LCORL: variants seen among roughly 807,000 people sequenced by gnomAD.
LCORL encodes the protein ligand dependent nuclear receptor corepressor like, also known as ligand-dependent nuclear receptor corepressor-like protein.
LCORL carries 41 observed loss-of-function variants against 141.8 expected under a neutral mutation model. That is an observed-to-expected ratio of 0.29 (90% CI 0.23 to 0.38). The LOEUF is 0.38. Among genes scored for constraint, LCORL ranks in the 10% least tolerant of loss-of-function variants. The pLI, the probability that LCORL is intolerant of heterozygous loss-of-function variation, is 1.00. For synonymous variants in LCORL, 618 were observed against 694.1 expected (o/e 0.89, Z 1.72); for missense variants, 1,759 against 2,035.0 (o/e 0.86, Z 2.61).
intron 4 of LCORL, chr4:17,912,103 G>A (rs149899019): frequency 6.6e-6 from 5 of 752,248 alleles, no homozygotes; most frequent in East Asian, 2.6e-5. Context: ...CACCAAGGAC[G>A]TGAGGGCTCA....
At chr4:17,872,367 T>C (rs1202486314) in intron 7 of LCORL, among the ~76,000 whole-genome samples, 1 of 152,114 alleles carries the variant, frequency 6.6e-6, no homozygotes, top group African/African-American at 2.4e-5. Flanking sequence ...AGAATTGTCT[T>C]GGGCCACACA....
chr4:17,856,555 TG>T (rs1300556820), intron 7 of LCORL, among the ~76,000 whole-genome samples: 1 of 152,214 alleles, frequency 6.6e-6, no homozygotes, highest in African/African-American at 2.4e-5. Context: ...TATTTTGTTG[TG>T]GTAGCCCAAG....
intron 2 of LCORL, among the ~76,000 whole-genome samples, chr4:17,966,912 A>G (rs991642440): frequency 2.0e-5 from 3 of 152,194 alleles, no homozygotes; most frequent in African/African-American, 7.2e-5. Flanking sequence ...TCTATCAATG[A>G]TGCTCCTAAA....
chr4:17,989,466 T>C (rs1341719941), intron 1 of LCORL, among the ~76,000 whole-genome samples: 1 of 152,204 alleles, frequency 6.6e-6, no homozygotes, highest in Non-Finnish European at 1.5e-5. Flanking sequence ...AAAGTAAGTT[T>C]ACTCAGTTCG....
chr4:18,007,706 T>C (rs1723041719), intron 1 of LCORL, among the ~76,000 whole-genome samples: 1 of 152,156 alleles, frequency 6.6e-6, no homozygotes, highest in Non-Finnish European at 1.5e-5. Flanking sequence ...ATACTATTAT[T>C]CTTTATATAA....
intron 7 of LCORL, among the ~76,000 whole-genome samples, chr4:17,855,066 A>T (rs1380006144): frequency 6.6e-6 from 1 of 151,958 alleles, no homozygotes; most frequent in Non-Finnish European, 1.5e-5. Context: ...CATTTAGAAT[A>T]AAAAAAACAG....
At chr4:18,011,224 C>T (rs1723720193) in intron 1 of LCORL, among the ~76,000 whole-genome samples, 1 of 152,010 alleles carries the variant, frequency 6.6e-6, no homozygotes, top group East Asian at 1.9e-4. Context: ...TGTTTTATTT[C>T]TCAAGTTGTT....
chr4:18,006,765 G>T (rs1416009610), intron 1 of LCORL, among the ~76,000 whole-genome samples: 1 of 152,072 alleles, frequency 6.6e-6, no homozygotes, highest in African/African-American at 2.4e-5. Flanking sequence ...CCTCCCACCA[G>T]TTTCCTCCCA....
At chr4:17,846,012 T>C (rs1461984573) in intron 7 of LCORL, 111 bp from the exon 8 acceptor site, 1 of 811,786 alleles carries the variant, frequency 1.2e-6, no homozygotes, top group Non-Finnish European at 2.0e-6. Context: ...AATTTTAGCA[T>C]ACATAAAGCA....
chr4:17,881,818 A>T, intron 6 of LCORL: 1 of 983,998 alleles, frequency 1.0e-6, no homozygotes, highest in Non-Finnish European at 1.2e-6. Flanking sequence ...ATTGTTTTGA[A>T]ATATGTACTT....
rs1407541810 is a variant in LCORL at position 17,884,350 on chromosome 4, C to T, written c.776+1718G>A. ...GGAGGCTTTCATTTTTTTCTTTAAACTGAGTGACCATTTTCTGTAGAGTTA... is the reference window on the plus strand; with the variant it reads ...GGAGGCTTTCATTTTTTTCTTTAAATTGAGTGACCATTTTCTGTAGAGTTA... On this transcript the variant is annotated intron_variant, in intron 6 of 7. Coordinates refer to ENST00000635767, the Ensembl canonical transcript of LCORL. This position sits in a 1 kb window ranked among gnomAD's most constrained non-coding sequence, Gnocchi z 4.4. 1 of 1,546,248 alleles carries T rather than the reference C, an allele frequency of 6.5e-7. No individual in the cohort carries two copies. Among genetic ancestry groups the T allele is most frequent in the Non-Finnish European group, 8.7e-7 (1 of 1,145,280 alleles).
intron 1 of LCORL, among the ~76,000 whole-genome samples, chr4:17,983,515 C>G (rs1577634968): frequency 6.6e-6 from 1 of 151,890 alleles, no homozygotes; most frequent in African/African-American, 2.4e-5. Context: ...ATATTTTATT[C>G]TTTTTGTGGC....
intron 4 of LCORL, among the ~76,000 whole-genome samples, chr4:17,953,534 T>A (rs937063509): frequency 2.0e-5 from 3 of 152,198 alleles, no homozygotes; most frequent in Non-Finnish European, 4.4e-5. Flanking sequence ...TTTTGGCTGA[T>A]CCCTAGAACA....
At chr4:18,000,772 A>G (rs1047113090) in intron 1 of LCORL, among the ~76,000 whole-genome samples, 5 of 152,162 alleles carry the variant, frequency 3.3e-5, no homozygotes, top group Admixed American at 3.3e-4. Context: ...AGTGGGAGAG[A>G]TTAGTGACTG....
intron 1 of LCORL, among the ~76,000 whole-genome samples, chr4:18,013,668 A>G (rs1463847572): frequency 6.6e-6 from 1 of 152,214 alleles, no homozygotes; most frequent in East Asian, 1.9e-4. Context: ...TTATAATTTA[A>G]ACATGAAGAC....
At chr4:17,856,197 C>G (rs1215605873) in intron 7 of LCORL, among the ~76,000 whole-genome samples, 9 of 152,220 alleles carry the variant, frequency 5.9e-5, no homozygotes, top group Non-Finnish European at 1.2e-4. Context: ...GCCCCCTTGG[C>G]AGCATTCAAT....
chr4:17,849,089 A>T (rs1296194432), intron 7 of LCORL, among the ~76,000 whole-genome samples: 1 of 152,232 alleles, frequency 6.6e-6, no homozygotes, highest in Non-Finnish European at 1.5e-5. Context: ...TGCAGGCTCC[A>T]CCTCTGGGGG....
chr4:17,882,030 A>T, intron 6 of LCORL: 1 of 983,408 alleles, frequency 1.0e-6, no homozygotes, highest in Non-Finnish European at 1.2e-6. Context: ...TAACATTAAT[A>T]GCTGAAGAGG....
At chr4:17,970,705 C>G (rs1417955526) in intron 2 of LCORL, among the ~76,000 whole-genome samples, 1 of 152,154 alleles carries the variant, frequency 6.6e-6, no homozygotes, top group Non-Finnish European at 1.5e-5. Context: ...CCTCAAAGGC[C>G]TTAAAGCTGT....
Sources: allele counts gnomAD v4.1 joint callset (sites outside exome capture counted in the v4.1 genomes callset), GRCh38; gene constraint gnomAD v4.1.1; non-coding constraint Gnocchi (gnomAD v3.1); transcripts MANE v1.5; gene names NCBI Gene and HGNC (gene_info 2026-07-23, HGNC 2026-07-21).